MAMDC4: variants seen among roughly 807,000 people sequenced by gnomAD.
The protein encoded by MAMDC4 is MAM domain containing 4.
A neutral mutation model predicts 153.3 loss-of-function variants in MAMDC4; 168 were observed. The observed-to-expected ratio is 1.10, with a 90% CI of 0.97 to 1.25. MAMDC4 has a LOEUF of 1.25. Among genes scored for constraint, MAMDC4 ranks in the 50% most tolerant of loss-of-function variants. The pLI, the probability that MAMDC4 is intolerant of heterozygous loss-of-function variation, is 0.00. For synonymous variants in MAMDC4, 744 were observed against 651.5 expected, an observed-to-expected ratio of 1.14 and a Z score of -2.16; for missense variants, 1,701 against 1,542.8, an observed-to-expected ratio of 1.10 and a Z score of -1.72.
At position 136,860,633 on chromosome 9, in the gene MAMDC4, C is replaced by A; in HGVS notation, c.*30C>A. ...CCCCAGACAAGGCCCCGCTTCCTCA[C>A]GTGACATCCAGCACTTGGTCAGACC... On this transcript the variant is annotated 3_prime_UTR_variant, in exon 27 of 27. Coordinates refer to ENST00000317446, the MANE Select transcript of MAMDC4 (RefSeq NM_206920.3). The A allele has an allele frequency of 6.2e-7, 1 of 1,612,866 alleles. No individual in the cohort carries two copies.
chr9:136,856,673 G>A (rs1849009319), intron 14 of MAMDC4, 37 bp from the exon 15 acceptor site: 2 of 1,594,422 alleles, frequency 1.3e-6, no homozygotes, highest in Non-Finnish European at 8.6e-7. Flanking sequence ...GAGGGGGAGG[G>A]GAGAAGGTGT....
chr9:136,853,639 G>C lies in MAMDC4; in HGVS notation c.423G>C (p.Lys141Asn), dbSNP rs1168331943. The change falls in exon 4 of 27, where the codon AAG (lysine) becomes AAC (asparagine). Residue 141 changes from lysine (K) to asparagine (N), a missense_variant. Coordinates refer to ENST00000317446, the MANE Select transcript of MAMDC4 (RefSeq NM_206920.3). ...TGCGAGAGGCAGCCTCCTCTTGCAA[G>C]CTGAGGCTCTGGTACCACGCGGCCT... ...PTLREAASSC[K>N]LRLWYHAASG... 1 of 1,612,244 alleles carries C rather than the reference G, an allele frequency of 6.2e-7. No individual in the cohort carries two copies.
chr9:136,853,088 C>T lies in MAMDC4; in HGVS notation c.47-14C>T. ...CCCTGCCCCCAGGCCACCTGGCTGTCAACCTCCCAGCAGCAGGGTCCTCAG... is the reference window on the plus strand; with the variant it reads ...CCCTGCCCCCAGGCCACCTGGCTGTTAACCTCCCAGCAGCAGGGTCCTCAG... On this transcript the variant is annotated splice_polypyrimidine_tract_variant and intron_variant, in intron 1 of 26. Transcript: ENST00000317446. The T allele has an allele frequency of 6.2e-7, 1 of 1,610,656 alleles. No homozygotes were observed. Among genetic ancestry groups the T allele is most frequent in the East Asian group, 2.2e-5 (1 of 44,866 alleles).
chr9:136,852,405 T>A lies in MAMDC4; in HGVS notation c.-12T>A. The stretch of plus-strand genomic sequence containing the variant: ...CACCCTGTGTGGCCGCACTGCTCCC[T>A]CTGGCCCAACCATGCCTCTGTCCAG... On this transcript the variant is annotated 5_prime_UTR_variant, in exon 1 of 27. Coordinates refer to ENST00000317446, the MANE Select transcript of MAMDC4 (RefSeq NM_206920.3). 6.2e-7 allele frequency: 1 copy of A among 1,609,216 alleles called. No individual in the cohort carries two copies. Among genetic ancestry groups the A allele is most frequent in the Non-Finnish European group, 8.5e-7 (1 of 1,179,940 alleles).
intron 1 of MAMDC4, 50 bp downstream of exon 1, chr9:136,852,512 T>G (rs1227132984): frequency 3.1e-6 from 5 of 1,589,400 alleles, no homozygotes; most frequent in Middle Eastern, 1.7e-4. Flanking sequence ...CCCTGGCTTC[T>G]GAGCCTACCA....
intron 26 of MAMDC4, 151 bp downstream of exon 26, chr9:136,860,215 CACT>C (rs1451125880): frequency 3.3e-5 from 32 of 975,578 alleles, no homozygotes; most frequent in South Asian, 8.6e-5. Flanking sequence ...TCCCAGCCAC[CACT>C]GTCAAAGCTC....
At chr9:136,858,127 T>TCCCCC in intron 20 of MAMDC4, 30 bp downstream of exon 20, 1 of 1,179,228 alleles carries the variant, frequency 8.5e-7, no homozygotes, top group South Asian at 1.3e-5. Flanking sequence ...CCCCTCCCCC[T>TCCCCC]CCCCCTCCCC....
In MAMDC4 at chr9:136,856,460, G is replaced by C. The variant is rs147399897; in HGVS notation, c.1721-250G>C. The C allele has an allele frequency of 3.4e-4, 266 of 782,494 alleles. 1 individual carries two copies. The highest frequency in any genetic ancestry group is 3.2e-3 in the African/African-American group (189 of 59,304). 48.5% of individuals were successfully genotyped at this position (782,494 alleles called of 1,614,324 possible). On this transcript the variant is annotated intron_variant, in intron 14 of 26. Coordinates refer to ENST00000317446, the MANE Select transcript of MAMDC4 (RefSeq NM_206920.3). Reference sequence around the variant, plus strand: ...CATCCTCCTCATCCCCCTACCCCATGAAGCTGGAGTTTGTCGGTTTGGTGG... The same window carrying C: ...CATCCTCCTCATCCCCCTACCCCATCAAGCTGGAGTTTGTCGGTTTGGTGG...
rs774359819 is a variant in MAMDC4 at position 136,858,004 on chromosome 9, G to T, written c.2490G>T (p.Glu830Asp). ...SPGTLRVYLE[E>D]RGRHQVLSLS... ...GCACCCTGCGGGTCTACCTGGAGGA[G>T]CGCGGGAGGCACCAGGTGCTCAGCC... Residue 830 changes from glutamate (E) to aspartate (D), a missense_variant, in exon 20 of 27, where the codon GAG becomes GAT. Glu to Asp is a conservative substitution (Grantham distance 45). Coordinates refer to ENST00000317446, the MANE Select transcript of MAMDC4 (RefSeq NM_206920.3). The T allele has an allele frequency of 6.6e-7, 1 of 1,523,606 alleles. No individual in the cohort carries two copies. Among genetic ancestry groups the T allele is most frequent in the South Asian group, 1.2e-5 (1 of 83,310 alleles). 94.4% of individuals were successfully genotyped at this position (1,523,606 alleles called of 1,614,324 possible).
chr9:136,860,627 T>G lies in MAMDC4; in HGVS notation c.*24T>G. 6.2e-7 allele frequency: 1 copy of G among 1,613,054 alleles called. No individual in the cohort carries two copies. The highest frequency in any genetic ancestry group is 8.5e-7 in the Non-Finnish European group (1 of 1,179,716). The stretch of plus-strand genomic sequence containing the variant: ...AGACCACCCCAGACAAGGCCCCGCT[T>G]CCTCACGTGACATCCAGCACTTGGT... On this transcript the variant is annotated 3_prime_UTR_variant, in exon 27 of 27. Transcript: ENST00000317446.
intron 14 of MAMDC4, 171 bp downstream of exon 14, chr9:136,856,320 G>A (rs1305722763): frequency 1.8e-6 from 2 of 1,100,462 alleles, no homozygotes; most frequent in Admixed American, 1.7e-5. Context: ...GCCCTGAGCA[G>A]CAGTGCAGGC....
chr9:136,857,943 C>T, intron 19 of MAMDC4, 36 bp from the exon 20 acceptor site: 1 of 1,479,928 alleles, frequency 6.8e-7, no homozygotes, highest in Non-Finnish European at 8.9e-7. Flanking sequence ...CAGGTGCTCT[C>T]CCCACACTGC....
Position 136,854,977 on chromosome 9 carries a change from G to A in MAMDC4, c.1064G>A (p.Cys355Tyr), listed in dbSNP as rs1428770903. 1 of 1,605,928 alleles carries A rather than the reference G, an allele frequency of 6.2e-7. No individual in the cohort carries two copies. The highest frequency in any genetic ancestry group is 1.7e-5 in the Admixed American group (1 of 58,680). Residue 355 changes from cysteine to tyrosine, a missense_variant, in exon 10 of 27, where the codon TGC (cysteine) becomes TAC (tyrosine). Coordinates refer to ENST00000317446, the MANE Select transcript of MAMDC4 (RefSeq NM_206920.3). ...TACCTGAGTGGGTCTGAGGCTGGCT[G>A]CCTCCAGCTGTTCCTGCAGACTCTG... ...YQYLSGSEAG[C>Y]LQLFLQTLGP... is the part of the protein sequence containing the mutation.
rs765921567 is a variant in MAMDC4 at position 136,858,483 on chromosome 9, G to T, written c.2758G>T (p.Gly920Trp). 12 of 1,608,078 alleles carry T rather than the reference G, an allele frequency of 7.5e-6. No individual in the cohort carries two copies. Among genetic ancestry groups the T allele is most frequent in the African/African-American group, 1.3e-5 (1 of 74,858 alleles). ...GGGCGGATACAGCTGGGACTGGGGC[G>T]GGGGAGCCACCCCCTCTCGTTACCC... ...GLGGYSWDWG[G>W]GATPSRYPQP... is the part of the protein sequence containing the mutation. Residue 920 changes from glycine to tryptophan, a missense_variant, in exon 22 of 27, where the codon GGG (glycine) becomes TGG (tryptophan). Gly to Trp is a radical substitution (Grantham distance 184). Transcript: ENST00000317446.
rs766036112 is a variant in MAMDC4 at position 136,859,328 on chromosome 9, G to C, written c.3193+11G>C. 1.9e-5 allele frequency: 31 copies of C among 1,603,914 alleles called. No individual in the cohort carries two copies. Among genetic ancestry groups the C allele is most frequent in the Non-Finnish European group, 2.6e-5 (30 of 1,175,850 alleles). ...CTGCCCCCAGCCCGGGTGAGCCCTG[G>C]GCTGCAGTGGAGGCACGGAGGAGGG... On this transcript the variant is annotated intron_variant, in intron 25 of 26. Coordinates refer to ENST00000317446, the MANE Select transcript of MAMDC4 (RefSeq NM_206920.3).
Position 136,858,800 on chromosome 9 carries a change from C to T in MAMDC4, c.2903C>T (p.Thr968Ile), listed in dbSNP as rs775374615. The change falls in exon 23 of 27, where the codon ACC (threonine) becomes ATC (isoleucine). Residue 968 changes from threonine to isoleucine, a missense_variant. Transcript: ENST00000317446. ...CTGCGCAGCGAGCCTCTGCCGGCCA[C>T]CCCAGCCTCCTGCCTCCGCTTCTGG... ...AWLRSEPLPA[T>I]PASCLRFWYH... 1.2e-6 allele frequency: 2 copies of T among 1,610,548 alleles called. No homozygotes were observed.
intron 7 of MAMDC4, 39 bp downstream of exon 7, chr9:136,854,375 CTG>C: frequency 6.7e-7 from 1 of 1,503,732 alleles, no homozygotes; most frequent in Non-Finnish European, 8.9e-7. Context: ...GGCTGGGAGA[CTG>C]GACGCCTCGG....
chr9:136,854,913 C>T (rs1465884750), intron 9 of MAMDC4, 24 bp from the exon 10 acceptor site: 2 of 1,612,440 alleles, frequency 1.2e-6, no homozygotes, highest in Non-Finnish European at 1.7e-6. Context: ...GGTGCAGGCC[C>T]CCAGCCAGCT....
chr9:136,858,916 G>A (rs1368699557), intron 23 of MAMDC4, 63 bp downstream of exon 23: 7 of 1,552,804 alleles, frequency 4.5e-6, no homozygotes, highest in South Asian at 1.2e-5. Context: ...AGGAGCAGAG[G>A]TGGGGAGGTG....
Sources: allele counts gnomAD v4.1 joint callset, GRCh38; gene constraint gnomAD v4.1.1; transcripts MANE v1.5; gene names NCBI Gene and HGNC (gene_info 2026-07-23, HGNC 2026-07-21).